CHIT1: variants seen among roughly 807,000 people sequenced by gnomAD.
CHIT1 encodes the protein chitotriosidase-1.
A neutral mutation model predicts 52.0 loss-of-function variants in CHIT1; 47 were observed. The ratio of observed to expected loss-of-function variants is 0.90; its 90% CI spans 0.71 to 1.15. The LOEUF is 1.15. Among genes scored for constraint, CHIT1 ranks in the 50% most tolerant of loss-of-function variants. CHIT1 has a pLI of 0.00. For synonymous variants in CHIT1, 242 were observed against 228.2 expected (o/e 1.06, Z -0.54); for missense variants, 569 against 583.0 (o/e 0.98, Z 0.25).
intron 2 of CHIT1, 64 bp from the exon 3 acceptor site, chr1:203,225,934 T>C: frequency 1.9e-6 from 3 of 1,551,676 alleles, no homozygotes; most frequent in Non-Finnish European, 2.7e-6. Flanking sequence ...CTGGTCACCC[T>C]CCATCTGGGG....
intron 3 of CHIT1, 100 bp from the exon 4 acceptor site, chr1:203,225,204 G>A (rs1056176320): frequency 9.2e-7 from 1 of 1,090,198 alleles, no homozygotes; most frequent in Non-Finnish European, 1.4e-6. Context: ...GTGGGGACGT[G>A]TGAAAGTGCC....
At chr1:203,222,869 T>A (rs914489935) in intron 6 of CHIT1, among the ~76,000 whole-genome samples, 1 of 152,132 alleles carries the variant, frequency 6.6e-6, no homozygotes, top group African/African-American at 2.4e-5. Context: ...ACCTTAAGAA[T>A]GAGTTCCCGA....
intron 3 of CHIT1, 28 bp downstream of exon 3, chr1:203,225,641 C>T: frequency 6.2e-7 from 1 of 1,603,570 alleles, no homozygotes; most frequent in East Asian, 2.2e-5. Context: ...CCACATCCCA[C>T]CCACCCTGCT....
At chr1:203,226,262 C>T (rs545162933) in intron 2 of CHIT1, among the ~76,000 whole-genome samples, 4 of 152,284 alleles carry the variant, frequency 2.6e-5, no homozygotes, top group African/African-American at 4.8e-5. Flanking sequence ...TCTCAGAGTC[C>T]GAGCTCCCAG....
Position 203,225,842 on chromosome 1 carries a change from G to T in CHIT1, c.84C>A (p.Phe28Leu). ...CCTGTCTGTACTGGGCCCAGTTGGT[G>T]AAGTAGCAGACCAGTTTTGCAGCAG... Reference protein sequence around the residue: ...WGSAAKLVCYFTNWAQYRQGE... With the variant: ...WGSAAKLVCYLTNWAQYRQGE... The change falls in exon 3 of 11, where the codon TTC (phenylalanine) becomes TTA (leucine). Residue 28 changes from phenylalanine to leucine, a missense_variant. By Grantham distance (22) the Phe-to-Leu change is conservative. Coordinates refer to ENST00000367229, the MANE Select transcript of CHIT1 (RefSeq NM_003465.3). The T allele has an allele frequency of 6.2e-7, 1 of 1,614,200 alleles. No homozygotes were observed. Among genetic ancestry groups the T allele is most frequent in the Non-Finnish European group, 8.5e-7 (1 of 1,180,042 alleles).
At chr1:203,226,638 G>A (rs534053772) in intron 2 of CHIT1, among the ~76,000 whole-genome samples, 45 of 152,006 alleles carry the variant, frequency 3.0e-4, no homozygotes, top group African/African-American at 1.1e-3. Context: ...CTAGGAGAAG[G>A]CATCTTGTCT....
intron 2 of CHIT1, 51 bp downstream of exon 2, chr1:203,228,482 T>C (rs1657005936): frequency 1.3e-6 from 2 of 1,557,380 alleles, no homozygotes; most frequent in Non-Finnish European, 1.7e-6. Flanking sequence ...TTTGGGACAT[T>C]AAGCAGAGCC....
intron 10 of CHIT1, 82 bp downstream of exon 10, chr1:203,217,657 G>T: frequency 6.2e-7 from 1 of 1,602,144 alleles, no homozygotes; most frequent in Non-Finnish European, 8.5e-7. Context: ...AAGGACCCGG[G>T]ACCTACAGTT....
At chr1:203,229,562 C>T in intron 1 of CHIT1, 50 bp downstream of exon 1, 1 of 1,608,126 alleles carries the variant, frequency 6.2e-7, no homozygotes, top group African/African-American at 1.3e-5. Flanking sequence ...ACATCCACAT[C>T]CCCACCTCCC....
upstream of CHIT1, chr1:203,229,745 G>A: frequency 7.5e-7 from 1 of 1,334,200 alleles, no homozygotes; most frequent in Non-Finnish European, 1.1e-6. Flanking sequence ...TGCAATCAGG[G>A]GCACTGGGTG....
intron 2 of CHIT1, 80 bp from the exon 3 acceptor site, chr1:203,225,950 A>G: frequency 6.8e-7 from 1 of 1,469,418 alleles, no homozygotes; most frequent in Non-Finnish European, 9.4e-7. Context: ...TGGGGTAGGC[A>G]ATGTCCTTGG....
At chr1:203,221,931 AG>A (rs1427193609) in intron 7 of CHIT1, among the ~76,000 whole-genome samples, 4 of 152,180 alleles carry the variant, frequency 2.6e-5, no homozygotes, top group Non-Finnish European at 5.9e-5. Flanking sequence ...TCAAGCTCAA[AG>A]TGGGCTTCCC....
In CHIT1 at chr1:203,216,349, C is replaced by A. The variant is rs1394830121; in HGVS notation, c.*540G>T. On this transcript the variant is annotated 3_prime_UTR_variant, in exon 11 of 11. Coordinates refer to ENST00000367229, the MANE Select transcript of CHIT1 (RefSeq NM_003465.3). ...TAATGCTGAGTGGCTGCTCGCAGAG[C>A]GCTTAAATCAGGGAAAAGTTCTTCT... The A allele has an allele frequency of 1.8e-5, 8 of 453,880 alleles. No homozygotes were observed. Among genetic ancestry groups the A allele is most frequent in the Non-Finnish European group, 3.1e-5 (7 of 226,784 alleles). The allele number at this position is 453,880 out of a possible 1,614,324, so 28.1% of individuals were successfully genotyped here. A position where few individuals can be genotyped will look rare whatever the true frequency, so the allele number is the denominator to read the frequency against.
chr1:203,229,501 G>T, intron 1 of CHIT1, 111 bp downstream of exon 1: 2 of 1,272,710 alleles, frequency 1.6e-6, no homozygotes, highest in Admixed American at 3.8e-5. Context: ...ACCCTCTGAA[G>T]TTCTCCTGAG....
intron 7 of CHIT1, among the ~76,000 whole-genome samples, chr1:203,220,254 A>G (rs560306899): frequency 2.6e-5 from 4 of 152,284 alleles, no homozygotes; most frequent in African/African-American, 9.6e-5. Context: ...AATAAGGAAA[A>G]TATCCATCTC....
rs1553274588 is a variant in CHIT1 at position 203,217,822 on chromosome 1, C to CCGCCCAGTCCCT, written c.1072_1073insAGGGACTGGGCG (p.Trp358delinsTer). The CCGCCCAGTCCCT allele has an allele frequency of 6.2e-7, 1 of 1,612,032 alleles. No homozygotes were observed. Among genetic ancestry groups the CCGCCCAGTCCCT allele is most frequent in the Admixed American group, 1.7e-5 (1 of 59,810 alleles). On this transcript the variant is annotated stop_gained, in exon 10 of 11. Transcript: ENST00000367229. LOFTEE classifies it high-confidence loss of function. ...GGCAAAGTCATCTAAGTCCAGTGCC[C>CCGCCCAGTCCCT]AGACCATGGCCCCGCCCAGTCCCTT... is the stretch of plus-strand genomic sequence containing the variant.
chr1:203,229,646 C>T lies in CHIT1; in HGVS notation c.-10G>A, dbSNP rs1359569191. On this transcript the variant is annotated 5_prime_UTR_variant, in exon 1 of 11. Coordinates refer to ENST00000367229, the MANE Select transcript of CHIT1 (RefSeq NM_003465.3). ...CCACAGACCGCACCATGATGCAGCT[C>T]AGCGGCAGGCTGCAGCCCATACAAA... 1.2e-6 allele frequency: 2 copies of T among 1,613,956 alleles called. No individual in the cohort carries two copies. The highest frequency in any genetic ancestry group is 2.2e-5 in the East Asian group (1 of 44,888).
intron 9 of CHIT1, 58 bp from the exon 10 acceptor site, chr1:203,217,923 G>A (rs773238756): frequency 4.5e-6 from 7 of 1,570,192 alleles, no homozygotes; most frequent in Non-Finnish European, 6.0e-6. Context: ...GGCCACCCCA[G>A]AGCCTGGCTA....
chr1:203,229,755 G>A (rs539757534), upstream of CHIT1: 16 of 1,166,686 alleles, frequency 1.4e-5, no homozygotes, highest in African/African-American at 4.5e-5. Flanking sequence ...GGCACTGGGT[G>A]GGGGGGATGG....
Sources: gnomAD v4.1 joint callset for allele counts (sites outside exome capture counted in the v4.1 genomes callset) on GRCh38, gnomAD v4.1.1 for gene constraint, MANE v1.5 for transcripts, NCBI Gene and HGNC (gene_info 2026-07-23, HGNC 2026-07-21) for gene names.